ZNF773: variants seen among roughly 807,000 people sequenced by gnomAD.
ZNF773 encodes the protein zinc finger protein 419B.
ZNF773 carries 11 observed loss-of-function variants against 12.8 expected under a neutral mutation model. That is an observed-to-expected ratio of 0.86 (90% CI 0.54 to 1.42). The LOEUF is 1.42. Ranked by LOEUF, ZNF773 falls within the 40% of genes most tolerant of loss-of-function variation. The pLI, the probability that ZNF773 is intolerant of heterozygous loss-of-function variation, is 0.00. For synonymous variants in ZNF773, 175 were observed against 178.4 expected (o/e 0.98, Z 0.15); for missense variants, 518 against 527.2 (o/e 0.98, Z 0.17).
chr19:57,506,021 T>C (rs369949085), intron 3 of ZNF773, among the ~76,000 whole-genome samples: 1 of 152,284 alleles, frequency 6.6e-6, no homozygotes, highest in African/African-American at 2.4e-5. Context: ...CAGTTGTTTT[T>C]TTCTGGACCT....
rs139637370 is a variant in ZNF773 at position 57,503,954 on chromosome 19, G to C, written c.34-703G>C. ...ATTACAGGCATGAGCCACCATGCCTGTCCTGGCCTTCGATTCTAATGAGAG... is the reference window on the plus strand; with the variant it reads ...ATTACAGGCATGAGCCACCATGCCTCTCCTGGCCTTCGATTCTAATGAGAG... On this transcript the variant is annotated intron_variant, in intron 1 of 3. Transcript: ENST00000282292. Among the ~76,000 whole-genome samples the C allele has an allele frequency of 3.0e-3, 462 of 152,292 alleles. 1 individual carries two copies. The highest frequency in any genetic ancestry group is 9.9e-3 in the African/African-American group (411 of 41,556).
intron 3 of ZNF773, among the ~76,000 whole-genome samples, chr19:57,505,900 T>A (rs575276441): frequency 1.3e-5 from 2 of 151,976 alleles, no homozygotes; most frequent in Admixed American, 6.6e-5. Context: ...TAGTAGAGAC[T>A]GGGTTTCACC....
chr19:57,508,654 A>C (rs2089772841), downstream of ZNF773: 1 of 649,816 alleles, frequency 1.5e-6, no homozygotes, highest in Admixed American at 2.4e-5. Flanking sequence ...GGAATATATT[A>C]GATTTTCCAT....
In ZNF773 at chr19:57,507,154, C is replaced by T. The variant is rs751444365; in HGVS notation, c.1059C>T (p.His353=). 3 of 1,614,196 alleles carry T rather than the reference C, an allele frequency of 1.9e-6. No homozygotes were observed. The highest frequency in any genetic ancestry group is 2.2e-5 in the East Asian group (1 of 44,888). ...KSSLINHWRV[H]TGERPYECSE... ...GCCTTATCAATCATTGGCGTGTTCACACTGGAGAAAGGCCTTATGAGTGCA... is the reference window on the plus strand; with the variant it reads ...GCCTTATCAATCATTGGCGTGTTCATACTGGAGAAAGGCCTTATGAGTGCA... Residue 353 remains histidine (H), a synonymous_variant, in exon 4 of 4, where the codon CAC becomes CAT. Transcript: ENST00000282292.
downstream of ZNF773, among the ~76,000 whole-genome samples, chr19:57,512,434 T>A (rs900321165): frequency 2.6e-4 from 37 of 140,826 alleles, no homozygotes; most frequent in Non-Finnish European, 4.5e-4. Context: ...AGATGGAGTC[T>A]CTCTCTGTCA....
At chr19:57,516,357 G>A (rs554390521), downstream of ZNF773, 5 of 153,872 alleles carry the variant, frequency 3.2e-5, no homozygotes, top group South Asian at 7.7e-4. Flanking sequence ...CCTGTGCAGA[G>A]GCAAAAACTT....
At chr19:57,510,795 T>C (rs1259666038), downstream of ZNF773, among the ~76,000 whole-genome samples, 1 of 152,032 alleles carries the variant, frequency 6.6e-6, no homozygotes, top group Non-Finnish European at 1.5e-5. Flanking sequence ...CAAAATATGT[T>C]CAAGAACTAT....
chr19:57,517,236 T>G (rs1454996644), downstream of ZNF773: 2 of 152,234 alleles, frequency 1.3e-5, no homozygotes, highest in African/African-American at 2.4e-5. Flanking sequence ...GCCTGTCAAC[T>G]GTATCATTGC....
In ZNF773 at chr19:57,506,893, G is replaced by C. The variant is rs1250607785; in HGVS notation, c.798G>C (p.Gln266His). 1 of 1,613,980 alleles carries C rather than the reference G, an allele frequency of 6.2e-7. No homozygotes were observed. The highest frequency in any genetic ancestry group is 8.5e-7 in the Non-Finnish European group (1 of 1,180,030). ...FSRNADLIQH[Q>H]RVHTGEKPFT... ...GTAATGCTGACCTCATTCAACACCA[G>C]AGAGTTCACACTGGAGAAAAGCCTT... The change falls in exon 4 of 4, where the codon CAG becomes CAC. Residue 266 changes from glutamine (Q) to histidine (H), a missense_variant. Coordinates refer to ENST00000282292, the MANE Select transcript of ZNF773 (RefSeq NM_198542.3).
Position 57,507,645 on chromosome 19 carries a change from G to T in ZNF773, c.*221G>T, listed in dbSNP as rs1483946958. Reference sequence around the variant, plus strand: ...ACCAGAAAGTTTAGACTGGAGAAAGGCCTTAGACTGTCGCTGAATCAATAT... The same window carrying T: ...ACCAGAAAGTTTAGACTGGAGAAAGTCCTTAGACTGTCGCTGAATCAATAT... On this transcript the variant is annotated 3_prime_UTR_variant, in exon 4 of 4. Coordinates refer to ENST00000282292, the MANE Select transcript of ZNF773 (RefSeq NM_198542.3). 1.5e-6 allele frequency: 2 copies of T among 1,358,586 alleles called. No individual in the cohort carries two copies. The highest frequency in any genetic ancestry group is 4.2e-5 in the South Asian group (2 of 47,844). 84.2% of individuals were successfully genotyped at this position (1,358,586 alleles called of 1,614,324 possible).
chr19:57,499,950 G>A lies in ZNF773; in HGVS notation c.-131G>A. The A allele has an allele frequency of 8.0e-7, 1 of 1,252,530 alleles. No homozygotes were observed. The highest frequency in any genetic ancestry group is 1.5e-5 in the South Asian group (1 of 65,686). The allele number at this position is 1,252,530 out of a possible 1,614,324, so 77.6% of individuals were successfully genotyped here. ...CCGGAAGCTGGTTGTTCGCTGCGGC[G>A]ACCAGCTCCGGAAAGCGCGGTGGGG... On this transcript the variant is annotated 5_prime_UTR_variant, in exon 1 of 4. Transcript: ENST00000282292.
At chr19:57,508,688 C>A, downstream of ZNF773, 1 of 605,194 alleles carries the variant, frequency 1.7e-6, no homozygotes, top group Non-Finnish European at 3.0e-6. Context: ...TGACAGTTTA[C>A]ATGTATGGAA....
At chr19:57,508,332 C>A, downstream of ZNF773, 2 of 678,626 alleles carry the variant, frequency 2.9e-6, no homozygotes, top group Non-Finnish European at 3.6e-6. Context: ...GTATTGGCTG[C>A]ACCAGTCGAA....
At position 57,504,729 on chromosome 19, in the gene ZNF773, C is replaced by T. The variant is rs2089709084; in HGVS notation, c.106C>T (p.Gln36Ter). The change falls in exon 2 of 4, where the codon CAG becomes TAG. Residue 36 changes from glutamine (Q) to a stop codon, truncating the protein, a stop_gained. Coordinates refer to ENST00000282292, the MANE Select transcript of ZNF773 (RefSeq NM_198542.3). LOFTEE classifies it high-confidence loss of function. ...GGAATGGAGATTGCTTGATGACGCT[C>T]AGAGGCTCCTCTACCGCAATGTGAT... ...QEEWRLLDDA[Q>*]RLLYRNVMLE... 2 of 1,613,934 alleles carry T rather than the reference C, an allele frequency of 1.2e-6. No individual in the cohort carries two copies. Among genetic ancestry groups the T allele is most frequent in the Non-Finnish European group, 1.7e-6 (2 of 1,179,970 alleles).
intron 1 of ZNF773, among the ~76,000 whole-genome samples, chr19:57,503,954 G>A (rs139637370): frequency 5.3e-5 from 8 of 152,294 alleles, no homozygotes; most frequent in Admixed American, 2.6e-4. Context: ...CACCATGCCT[G>A]TCCTGGCCTT....
chr19:57,509,800 C>A (rs879717754), downstream of ZNF773, among the ~76,000 whole-genome samples: 9 of 152,140 alleles, frequency 5.9e-5, no homozygotes, highest in Admixed American at 1.3e-4. Flanking sequence ...GGTTGTAGGA[C>A]TGAGATTCCT....
intron 3 of ZNF773, 91 bp from the exon 4 acceptor site, chr19:57,506,267 G>T (rs756980): frequency 1.4e-5 from 21 of 1,532,930 alleles, no homozygotes; most frequent in Non-Finnish European, 1.8e-5. Context: ...AGTCCCACAC[G>T]CTAATTACCA....
downstream of ZNF773, chr19:57,516,596 G>T (rs2089833678): frequency 6.6e-6 from 1 of 152,178 alleles, no homozygotes; most frequent in African/African-American, 2.4e-5. Context: ...TTGCAATTCA[G>T]TCCCAAGCAT....
At chr19:57,513,219 T>A, downstream of ZNF773, 2 of 823,230 alleles carry the variant, frequency 2.4e-6, no homozygotes, top group South Asian at 8.6e-5. Flanking sequence ...GCAGAATTTG[T>A]CTGCTGAAGA....
Sources: gnomAD v4.1 joint callset for allele counts (sites outside exome capture counted in the v4.1 genomes callset) on GRCh38, gnomAD v4.1.1 for gene constraint, MANE v1.5 for transcripts, NCBI Gene and HGNC (gene_info 2026-07-23, HGNC 2026-07-21) for gene names.